The following ZC2HC1A variants were observed in gnomAD, a reference collection of about 807,000 sequenced individuals.
ZC2HC1A encodes zinc finger C2HC domain-containing protein 1A.
A neutral mutation model predicts 40.7 loss-of-function variants in ZC2HC1A; 28 were observed. The observed-to-expected ratio is 0.69, with a 90% CI of 0.51 to 0.94. The LOEUF (loss-of-function observed/expected upper bound fraction) is 0.94. Ranked by LOEUF, ZC2HC1A falls within the 40% of genes least tolerant of loss-of-function variation. The pLI, the probability that ZC2HC1A is intolerant of heterozygous loss-of-function variation, is 0.00. For missense variants in ZC2HC1A, 389 were observed against 386.3 expected (o/e 1.01, Z -0.06); for synonymous variants, 129 against 129.2 (o/e 1.00, Z 0.01).
At chr8:78,671,376 A>G (rs1164740416) in intron 1 of ZC2HC1A, among the ~76,000 whole-genome samples, 1 of 152,194 alleles carries the variant, frequency 6.6e-6, no homozygotes, top group Non-Finnish European at 1.5e-5. Context: ...GGTTGTATCC[A>G]TCACCTTGAG....
intron 5 of ZC2HC1A, among the ~76,000 whole-genome samples, chr8:78,695,805 T>C (rs1300332585): frequency 1.3e-5 from 2 of 152,198 alleles, no homozygotes; most frequent in East Asian, 3.9e-4. Context: ...GGTTTTCTAT[T>C]TTTCAGGTGC....
intron 7 of ZC2HC1A, among the ~76,000 whole-genome samples, chr8:78,700,239 A>C (rs1047655571): frequency 6.6e-6 from 1 of 152,222 alleles, no homozygotes; most frequent in South Asian, 2.1e-4. Context: ...TTTTTTTCAT[A>C]TGACAGTTGA....
chr8:78,686,507 A>G lies in ZC2HC1A; in HGVS notation c.251A>G (p.His84Arg). ...PKKPSNWRRK[H>R]EEFIATIRAA... ...AAACCATCTAATTGGAGAAGGAAAC[A>G]TGAAGAATTCATTGCTACCATAAGA... The change falls in exon 4 of 9, where the codon CAT (histidine) becomes CGT (arginine). Residue 84 changes from histidine to arginine, a missense_variant. Physicochemically the swap from His to Arg is conservative, Grantham distance 29 (BLOSUM62 0). Transcript: ENST00000263849. 1 of 1,546,384 alleles carries G rather than the reference A, an allele frequency of 6.5e-7. No individual in the cohort carries two copies. Among genetic ancestry groups the G allele is most frequent in the Non-Finnish European group, 8.7e-7 (1 of 1,145,992 alleles).
intron 3 of ZC2HC1A, among the ~76,000 whole-genome samples, chr8:78,683,612 A>T (rs149780167): frequency 1.7e-3 from 254 of 152,116 alleles, no homozygotes; most frequent in African/African-American, 5.4e-3. Context: ...CTGTGATGGG[A>T]GGGGCTGCCC....
intron 7 of ZC2HC1A, among the ~76,000 whole-genome samples, chr8:78,700,298 A>G (rs1185555139): frequency 2.0e-5 from 3 of 151,576 alleles, no homozygotes; most frequent in African/African-American, 7.3e-5. Flanking sequence ...TCTGTTGTCC[A>G]CTTTTTAATG....
intron 1 of ZC2HC1A, among the ~76,000 whole-genome samples, chr8:78,674,148 A>G (rs1338362262): frequency 6.6e-6 from 1 of 152,086 alleles, no homozygotes; most frequent in Admixed American, 6.6e-5. Flanking sequence ...GAGAGCAATA[A>G]TTGTGTTATT....
intron 7 of ZC2HC1A, chr8:78,711,883 C>T (rs1810960294): frequency 1.8e-6 from 1 of 561,144 alleles, no homozygotes; most frequent in Non-Finnish European, 2.9e-6. Context: ...AAATTAAGGA[C>T]TTGGGGAGTA....
intron 7 of ZC2HC1A, among the ~76,000 whole-genome samples, chr8:78,705,078 G>A (rs10957898): frequency 0.21 from 32,607 of 151,962 alleles, 3,689 homozygotes; most frequent in Middle Eastern, 0.38. Flanking sequence ...GTTCCTGTCC[G>A]TATCCTGAAT....
chr8:78,712,166 A>G (rs979669713), intron 7 of ZC2HC1A: 6 of 983,708 alleles, frequency 6.1e-6, no homozygotes, highest in Admixed American at 2.8e-5. Flanking sequence ...AAAGCTTTAT[A>G]TAATGGAATA....
At chr8:78,702,281 A>C (rs971776300) in intron 7 of ZC2HC1A, among the ~76,000 whole-genome samples, 1 of 151,996 alleles carries the variant, frequency 6.6e-6, no homozygotes, top group African/African-American at 2.4e-5. Flanking sequence ...ATATTCTGTG[A>C]TGACTTGTAT....
At chr8:78,688,452 T>G (rs1810097083) in intron 4 of ZC2HC1A, among the ~76,000 whole-genome samples, 1 of 152,160 alleles carries the variant, frequency 6.6e-6, no homozygotes, top group African/African-American at 2.4e-5. Flanking sequence ...AAGGGCAAAC[T>G]CTGTATCAAA....
In ZC2HC1A at chr8:78,697,423, T is replaced by C. The variant is rs368633779; in HGVS notation, c.521T>C (p.Leu174Pro). Residue 174 changes from leucine to proline, a missense_variant, in exon 6 of 9, where the codon CTT becomes CCT. Leu to Pro is a moderately conservative substitution (Grantham distance 98). Coordinates refer to ENST00000263849, the MANE Select transcript of ZC2HC1A (RefSeq NM_016010.3). ...SRTQVYKPPA[L>P]KKSNSPGTAS... ...TTATTTTAGTATAAGCCACCCGCAC[T>C]TAAAAAGTCAAATTCTCCTGGAACT... is the stretch of plus-strand genomic sequence containing the variant. 15 of 1,600,160 alleles carry C rather than the reference T, an allele frequency of 9.4e-6. No homozygotes were observed. The highest frequency in any genetic ancestry group is 1.2e-5 in the Non-Finnish European group (14 of 1,175,928).
At position 78,716,335 on chromosome 8, in the gene ZC2HC1A, C is replaced by T. The variant is rs565033417; in HGVS notation, c.813-993C>T. 7.9e-5 allele frequency among the ~76,000 whole-genome samples: 12 copies of T among 151,682 alleles called. No individual in the cohort carries two copies. The South Asian group carries it at 2.1e-3, about 26-fold the overall frequency. ...AGACGGGGTTTCACCATGTTAGCCA[C>T]GATGGTCTTGATCTCCTGACCTCAT... On this transcript the variant is annotated intron_variant, in intron 8 of 8. Transcript: ENST00000263849.
chr8:78,694,628 A>T (rs1810339069), intron 5 of ZC2HC1A, among the ~76,000 whole-genome samples: 1 of 152,044 alleles, frequency 6.6e-6, no homozygotes, highest in Admixed American at 6.5e-5. Context: ...ATGATTTTTT[A>T]TTCTTTCCTG....
rs1040233560 is a variant in ZC2HC1A, at chr8:78,686,531, G to A, written c.275G>A (p.Arg92Lys). Residue 92 changes from arginine to lysine, a missense_variant, in exon 4 of 9, where the codon AGA (arginine) becomes AAA (lysine). By Grantham distance (26) the Arg-to-Lys change is conservative. Transcript: ENST00000263849. ...RKHEEFIATI[R>K]AAKGLDQALK... Reference sequence around the variant, plus strand: ...CATGAAGAATTCATTGCTACCATAAGAGCAGCTAAAGGCCTTGATCAGGCC... The same window carrying A: ...CATGAAGAATTCATTGCTACCATAAAAGCAGCTAAAGGCCTTGATCAGGCC... The A allele has an allele frequency of 1.0e-5, 16 of 1,554,858 alleles. No individual in the cohort carries two copies. Among genetic ancestry groups the A allele is most frequent in the Non-Finnish European group, 1.4e-5 (16 of 1,149,682 alleles).
intron 7 of ZC2HC1A, among the ~76,000 whole-genome samples, chr8:78,705,226 T>G (rs541209058): frequency 1.1e-4 from 16 of 152,336 alleles, no homozygotes; most frequent in African/African-American, 3.8e-4. Flanking sequence ...AGCATACTTG[T>G]GCTGATTCTT....
chr8:78,696,677 A>G lies in ZC2HC1A; in HGVS notation c.505-730A>G, dbSNP rs755658828. ...ATCTTAGGTCAATGCATACTCCATT[A>G]ATTTAAGATGGTCTGGTGAGGATCG... On this transcript the variant is annotated intron_variant, in intron 5 of 8. Transcript: ENST00000263849. Among the ~76,000 whole-genome samples the G allele has an allele frequency of 1.9e-4, 29 of 152,220 alleles. 1 individual carries two copies. Among genetic ancestry groups the G allele is most frequent in the South Asian group, 2.1e-4 (1 of 4,828 alleles).
chr8:78,717,320 T>C lies in ZC2HC1A; in HGVS notation c.813-8T>C, dbSNP rs1467142241. On this transcript the variant is annotated splice_region_variant and splice_polypyrimidine_tract_variant and intron_variant, in intron 8 of 8. Transcript: ENST00000263849. ...CTTTATCTTTTCATTGTTTCTTTAC[T>C]TTTTTAGGCCAGATGGGGACTGTGC... The C allele has an allele frequency of 3.1e-6, 5 of 1,599,460 alleles. No individual in the cohort carries two copies. Among genetic ancestry groups the C allele is most frequent in the Non-Finnish European group, 4.3e-6 (5 of 1,175,244 alleles).
At chr8:78,672,805 A>C (rs539057657) in intron 1 of ZC2HC1A, among the ~76,000 whole-genome samples, 96 of 152,170 alleles carry the variant, frequency 6.3e-4, no homozygotes, top group Non-Finnish European at 1.2e-3. Context: ...TACAGTAAGA[A>C]ATTTGTTTTA....
Sources: gnomAD v4.1 joint callset for allele counts (sites outside exome capture counted in the v4.1 genomes callset) on GRCh38, gnomAD v4.1.1 for gene constraint, MANE v1.5 for transcripts, NCBI Gene and HGNC (gene_info 2026-07-23, HGNC 2026-07-21) for gene names.